The following FRK variants were observed in gnomAD, a reference collection of about 807,000 sequenced individuals.
The protein encoded by FRK is fyn related Src family tyrosine kinase.
In FRK, 51 loss-of-function variants were observed where a neutral mutation model predicts 56.4. That is an observed-to-expected ratio of 0.90 (90% confidence interval 0.72 to 1.14). FRK has a LOEUF of 1.14. Among genes scored for constraint, FRK ranks in the 50% most tolerant of loss-of-function variants. The pLI is 0.00. For missense variants in FRK, 570 were observed against 601.4 expected (o/e 0.95, Z 0.55); for synonymous variants, 245 against 217.9 (o/e 1.12, Z -1.10).
Position 116,021,273 on chromosome 6 carries a change from T to C in FRK, c.345-17275A>G, listed in dbSNP as rs150895847. Reference sequence around the variant, plus strand: ...GACCAGTATAAAAAGAAAAGAAGGGTCACAAAATATAAGCTTCCTAAGCAC... The same window carrying C: ...GACCAGTATAAAAAGAAAAGAAGGGCCACAAAATATAAGCTTCCTAAGCAC... On this transcript the variant is annotated intron_variant, in intron 1 of 7. Transcript: ENST00000606080. Among the ~76,000 whole-genome samples, 155 of 151,440 alleles carry C rather than the reference T, an allele frequency of 1.0e-3. 1 individual carries two copies. The highest frequency in any genetic ancestry group is 2.1e-3 in the South Asian group (10 of 4,788).
At chr6:115,955,970 G>C (rs1772968981) in intron 5 of FRK, among the ~76,000 whole-genome samples, 2 of 152,136 alleles carry the variant, frequency 1.3e-5, no homozygotes, top group Non-Finnish European at 2.9e-5. Context: ...TTCTTATGTT[G>C]CCTAGCAGTG....
the FRK span, among the ~76,000 whole-genome samples, chr6:116,074,939 G>A: frequency 6.6e-6 from 1 of 152,042 alleles, no homozygotes; most frequent in Non-Finnish European, 1.5e-5. Flanking sequence ...GTTACAATCT[G>A]GGAAGCCAGG....
At chr6:116,022,407 A>T in intron 1 of FRK, among the ~76,000 whole-genome samples, 1 of 152,122 alleles carries the variant, frequency 6.6e-6, no homozygotes, top group East Asian at 1.9e-4. Context: ...TCTTATGAAC[A>T]CTGATTTGCA....
intron 6 of FRK, among the ~76,000 whole-genome samples, chr6:115,943,872 T>G (rs1441417690): frequency 6.6e-6 from 1 of 152,200 alleles, no homozygotes; most frequent in Non-Finnish European, 1.5e-5. Context: ...TCTGGCAGCA[T>G]GCAAATTAAT....
chr6:116,007,434 T>C (rs1324055731), intron 1 of FRK, among the ~76,000 whole-genome samples: 1 of 152,190 alleles, frequency 6.6e-6, no homozygotes, highest in African/African-American at 2.4e-5. Context: ...AGTCTGAAAT[T>C]GAGCCAAACT....
At chr6:116,034,536 T>G (rs1465935505) in intron 1 of FRK, among the ~76,000 whole-genome samples, 2 of 151,886 alleles carry the variant, frequency 1.3e-5, no homozygotes, top group African/African-American at 4.8e-5. Context: ...AGAGAATGAG[T>G]CAGCAAAATT....
the FRK span, among the ~76,000 whole-genome samples, chr6:116,091,191 T>C: frequency 1.3e-5 from 2 of 152,158 alleles, no homozygotes; most frequent in Non-Finnish European, 2.9e-5. Context: ...CAGCACTCTG[T>C]GTCTAGCTAA....
chr6:116,075,402 A>C, the FRK span, among the ~76,000 whole-genome samples: 6 of 151,932 alleles, frequency 3.9e-5, no homozygotes, highest in Admixed American at 1.3e-4. Context: ...GTAAGCCCCC[A>C]AAAAAGCTAA....
chr6:115,992,003 C>A (rs1337332320), intron 2 of FRK, among the ~76,000 whole-genome samples: 1 of 151,426 alleles, frequency 6.6e-6, no homozygotes, highest in Admixed American at 6.6e-5. Context: ...TTTTATTTCC[C>A]AGTCATAATG....
intron 1 of FRK, among the ~76,000 whole-genome samples, chr6:116,025,383 G>T (rs964020729): frequency 6.6e-6 from 1 of 152,066 alleles, no homozygotes; most frequent in African/African-American, 2.4e-5. Flanking sequence ...AAACAAAAAT[G>T]TATTGTTTGC....
At chr6:115,979,648 G>T (rs981244102) in intron 2 of FRK, among the ~76,000 whole-genome samples, 7 of 152,222 alleles carry the variant, frequency 4.6e-5, no homozygotes, top group Admixed American at 3.3e-4. Flanking sequence ...CCAGGGTCCT[G>T]CAACTTGAGT....
chr6:115,956,586 A>G lies in FRK; in HGVS notation c.824T>C (p.Leu275Pro). The G allele has an allele frequency of 6.3e-7, 1 of 1,575,768 alleles. No individual in the cohort carries two copies. Among genetic ancestry groups the G allele is most frequent in the Non-Finnish European group, 8.6e-7 (1 of 1,162,628 alleles). ...GTTCTTCATTATCTGTGCCTCCCTC[A>G]GGAAGTCATTTGGATCCATTGAACC... ...KPGSMDPNDF[L>P]REAQIMKNLR... Residue 275 changes from leucine to proline, a missense_variant, in exon 5 of 8, where the codon CTG (leucine) becomes CCG (proline). Leu to Pro is a moderately conservative substitution (Grantham distance 98). Transcript: ENST00000606080.
chr6:115,996,271 G>A (rs1774837115), intron 2 of FRK, among the ~76,000 whole-genome samples: 1 of 152,042 alleles, frequency 6.6e-6, no homozygotes, highest in Non-Finnish European at 1.5e-5. Context: ...CATTAATTTT[G>A]AATGAAGAAT....
At chr6:116,089,056 T>C in the FRK span, among the ~76,000 whole-genome samples, 1 of 152,194 alleles carries the variant, frequency 6.6e-6, no homozygotes, top group African/African-American at 2.4e-5. Flanking sequence ...AGGACAGACA[T>C]GAGTGTAAGA....
intron 2 of FRK, among the ~76,000 whole-genome samples, chr6:115,993,781 T>C (rs1298383144): frequency 6.6e-6 from 1 of 152,016 alleles, no homozygotes; most frequent in Non-Finnish European, 1.5e-5. Context: ...GTGCATCATC[T>C]GTCCTCACAA....
At chr6:116,002,134 GT>G (rs1775086371) in intron 2 of FRK, among the ~76,000 whole-genome samples, 1 of 152,224 alleles carries the variant, frequency 6.6e-6, no homozygotes, top group South Asian at 2.1e-4. Context: ...TTATAGAAAA[GT>G]TTTTTATGTT....
chr6:116,080,393 A>G, the FRK span, among the ~76,000 whole-genome samples: 1 of 152,132 alleles, frequency 6.6e-6, no homozygotes, highest in Non-Finnish European at 1.5e-5. Flanking sequence ...TGACCTCATG[A>G]TCCACCCACC....
chr6:116,028,693 T>TTA (rs773699967), intron 1 of FRK, among the ~76,000 whole-genome samples: 7 of 152,052 alleles, frequency 4.6e-5, no homozygotes, highest in Admixed American at 1.3e-4. Flanking sequence ...AATTTCCCCT[T>TTA]TATATAAGTA....
chr6:115,944,241 C>T lies in FRK; in HGVS notation c.1140+3G>A, dbSNP rs768418277. On this transcript the variant is annotated splice_donor_region_variant and intron_variant, in intron 6 of 7. Coordinates refer to ENST00000606080, the MANE Select transcript of FRK (RefSeq NM_002031.3). ...AAACTAATTAAAACAAAACTAAATC[C>T]ACCTTAAAAACTCTGGCAAGTCCAA... 17 of 1,601,324 alleles carry T rather than the reference C, an allele frequency of 1.1e-5. No homozygotes were observed. The highest frequency in any genetic ancestry group is 1.4e-5 in the Non-Finnish European group (17 of 1,176,388).
Sources: allele counts gnomAD v4.1 joint callset (sites outside exome capture counted in the v4.1 genomes callset), GRCh38; gene constraint gnomAD v4.1.1; transcripts MANE v1.5; gene names NCBI Gene and HGNC (gene_info 2026-07-23, HGNC 2026-07-21).